CD2AP: variants seen among roughly 807,000 people sequenced by gnomAD.
CD2AP encodes CD2-associated protein.
Under a neutral mutation model 85.1 loss-of-function variants are expected in CD2AP, and 46 were observed. The observed-to-expected ratio is 0.54, with a 90% confidence interval of 0.43 to 0.69. The LOEUF (loss-of-function observed/expected upper bound fraction) is 0.69. CD2AP is among the 30% of genes least tolerant of loss of function. The probability of loss-of-function intolerance (pLI) is 0.00; values close to 1 mark genes in which losing one functional copy is unlikely to be tolerated. For synonymous variants in CD2AP, 255 were observed against 252.9 expected (o/e 1.01, Z -0.08); for missense variants, 769 against 729.5 (o/e 1.05, Z -0.62).
chr6:47,512,337 G>T (rs1389186239), intron 2 of CD2AP, among the ~76,000 whole-genome samples: 1 of 152,110 alleles, frequency 6.6e-6, no homozygotes, highest in Non-Finnish European at 1.5e-5. Context: ...ACGAGACTCT[G>T]TCTCAAAAAA....
intron 5 of CD2AP, among the ~76,000 whole-genome samples, chr6:47,571,242 A>G (rs936728179): frequency 1.3e-5 from 2 of 152,224 alleles, no homozygotes; most frequent in African/African-American, 2.4e-5. Flanking sequence ...TTAAAACTAT[A>G]TAGAATACAC....
At chr6:47,522,730 G>T (rs1766628614) in intron 2 of CD2AP, among the ~76,000 whole-genome samples, 2 of 151,798 alleles carry the variant, frequency 1.3e-5, no homozygotes, top group African/African-American at 4.8e-5. Context: ...TCTTCGTTTA[G>T]AATACAGGTT....
rs1582587174 is a variant in CD2AP at position 47,581,920 on chromosome 6, C to T, written c.1046-83C>T. 31 of 875,344 alleles carry T rather than the reference C, an allele frequency of 3.5e-5. No individual in the cohort carries two copies. The East Asian group carries it at 7.6e-4, about 21-fold the overall frequency. The allele number at this position is 875,344 out of a possible 1,614,324, so 54.2% of individuals were successfully genotyped here. ...GGTTTCATCTGATGTTATTTTTCAA[C>T]TCATCTTTACTTTTTAGAAGTGTAA... is the stretch of plus-strand genomic sequence containing the variant. On this transcript the variant is annotated intron_variant, in intron 10 of 17. Coordinates refer to ENST00000359314, the MANE Select transcript of CD2AP (RefSeq NM_012120.3).
chr6:47,579,560 T>G, intron 9 of CD2AP, 71 bp downstream of exon 9: 1 of 944,522 alleles, frequency 1.1e-6, no homozygotes, highest in South Asian at 1.4e-5. Context: ...GCAAACAAGT[T>G]TTTTTGCATT....
intron 1 of CD2AP, among the ~76,000 whole-genome samples, chr6:47,487,311 C>A (rs2113962448): frequency 6.6e-6 from 1 of 152,174 alleles, no homozygotes; most frequent in East Asian, 1.9e-4. Flanking sequence ...TTTTTTCTCA[C>A]AAAATTATTC....
intron 9 of CD2AP, among the ~76,000 whole-genome samples, chr6:47,580,404 T>C (rs1768442164): frequency 6.6e-6 from 1 of 152,040 alleles, no homozygotes; most frequent in Admixed American, 6.5e-5. Flanking sequence ...TTCCAAAGAG[T>C]TAAGAGTGAA....
intron 2 of CD2AP, among the ~76,000 whole-genome samples, chr6:47,518,490 C>G (rs1289820704): frequency 2.0e-5 from 3 of 152,092 alleles, no homozygotes. Context: ...GTCTGCTCTC[C>G]TTTGCTAAGA....
At chr6:47,543,148 C>CAAAAAAAAAAAAAAAAAAAAAAA (rs11338409) in intron 3 of CD2AP, among the ~76,000 whole-genome samples, 11 of 60,328 alleles carry the variant, frequency 1.8e-4, no homozygotes, top group African/African-American at 2.8e-4. Context: ...AAGACTGTCT[C>CAAAAAAAAAAAAAAAAAAAAAAA]AAAAAAAAAA....
At chr6:47,560,897 A>G (rs1767842211) in intron 5 of CD2AP, among the ~76,000 whole-genome samples, 1 of 152,200 alleles carries the variant, frequency 6.6e-6, no homozygotes. Flanking sequence ...TGGTTACCAA[A>G]AATGGTGATT....
intron 2 of CD2AP, among the ~76,000 whole-genome samples, chr6:47,507,873 T>C (rs1444428399): frequency 2.0e-5 from 3 of 152,248 alleles, no homozygotes; most frequent in Non-Finnish European, 2.9e-5. Flanking sequence ...AACAGAGCTC[T>C]TGGGTGATCA....
intron 10 of CD2AP, among the ~76,000 whole-genome samples, chr6:47,581,549 A>G (rs1768479867): frequency 1.3e-5 from 2 of 152,204 alleles, no homozygotes; most frequent in Non-Finnish European, 2.9e-5. Context: ...AGTAATTTTT[A>G]TAGAAGTTGG....
chr6:47,484,855 G>C (rs1765528082), intron 1 of CD2AP, among the ~76,000 whole-genome samples: 1 of 152,070 alleles, frequency 6.6e-6, no homozygotes, highest in Non-Finnish European at 1.5e-5. Context: ...GGGGTTTCTA[G>C]TAGAATGCAA....
In CD2AP at chr6:47,626,495, A is replaced by T. The variant is rs932069237; in HGVS notation, c.*2268A>T. 1.3e-5 allele frequency: 2 copies of T among 152,420 alleles called. No homozygotes were observed. Among genetic ancestry groups the T allele is most frequent in the Non-Finnish European group, 2.9e-5 (2 of 67,848 alleles). 9.4% of individuals were successfully genotyped at this position (152,420 alleles called of 1,614,324 possible). ...AAAAGACAAAAGTTGAACAGCATGG[A>T]ATCTCATTGCCAAATTATTAGTGAA... On this transcript the variant is annotated 3_prime_UTR_variant, in exon 18 of 18. Transcript: ENST00000359314.
At chr6:47,568,191 C>T (rs1162989211) in intron 5 of CD2AP, among the ~76,000 whole-genome samples, 1 of 152,066 alleles carries the variant, frequency 6.6e-6, no homozygotes, top group Non-Finnish European at 1.5e-5. Flanking sequence ...GATGATGTAT[C>T]GTTAAAATAG....
chr6:47,605,976 ATT>A (rs201291952), intron 13 of CD2AP, among the ~76,000 whole-genome samples, 187 bp from the exon 14 acceptor site: 1 of 148,530 alleles, frequency 6.7e-6, no homozygotes, highest in East Asian at 2.0e-4. Context: ...GGTAAAGAGG[ATT>A]TTTTTTTTTC....
At chr6:47,606,393 C>T (rs948098791) in intron 14 of CD2AP, 116 bp downstream of exon 14, 1 of 710,698 alleles carries the variant, frequency 1.4e-6, no homozygotes, top group Admixed American at 2.0e-5. Flanking sequence ...AGCTCTTATA[C>T]TCAAGTGGCA....
intron 1 of CD2AP, among the ~76,000 whole-genome samples, chr6:47,497,062 A>G (rs1328619258): frequency 6.6e-6 from 1 of 152,094 alleles, no homozygotes; most frequent in Non-Finnish European, 1.5e-5. Flanking sequence ...TTCTACAACC[A>G]TAATTTAGTC....
chr6:47,551,902 A>C (rs755086710), intron 4 of CD2AP, among the ~76,000 whole-genome samples: 2 of 152,086 alleles, frequency 1.3e-5, no homozygotes, highest in African/African-American at 2.4e-5. Context: ...CGTCGGACTT[A>C]CTATATGGCA....
intron 2 of CD2AP, among the ~76,000 whole-genome samples, chr6:47,511,804 C>T (rs763406185): frequency 1.4e-4 from 22 of 152,146 alleles, no homozygotes; most frequent in Non-Finnish European, 1.8e-4. Context: ...AAATAAGCTT[C>T]CTATTGGGAC....
Sources: gnomAD v4.1 joint callset for allele counts (sites outside exome capture counted in the v4.1 genomes callset) on GRCh38, gnomAD v4.1.1 for gene constraint, MANE v1.5 for transcripts, NCBI Gene and HGNC (gene_info 2026-07-23, HGNC 2026-07-21) for gene names.